CTNNA3: variants seen among roughly 807,000 people sequenced by gnomAD.
CTNNA3 encodes the protein catenin alpha 3.
A neutral mutation model predicts 95.7 loss-of-function variants in CTNNA3; 76 were observed. The observed-to-expected ratio is 0.79, with a 90% confidence interval of 0.66 to 0.96. The LOEUF is 0.96. Among genes scored for constraint, CTNNA3 ranks in the 40% least tolerant of loss-of-function variants. CTNNA3 has a pLI of 0.00. For missense variants in CTNNA3, 1,191 were observed against 1,089.8 expected (o/e 1.09, Z -1.31); for synonymous variants, 431 against 374.4 (o/e 1.15, Z -1.74).
chr10:67,484,422 C>T (rs1848368631), intron 5 of CTNNA3, among the ~76,000 whole-genome samples: 2 of 152,054 alleles, frequency 1.3e-5, no homozygotes, highest in Admixed American at 6.6e-5. Flanking sequence ...ATCACTAAAT[C>T]CTCAAAACCA....
intron 12 of CTNNA3, among the ~76,000 whole-genome samples, chr10:66,342,433 T>G (rs1020579217): frequency 1.3e-5 from 2 of 152,058 alleles, no homozygotes; most frequent in African/African-American, 2.4e-5. Flanking sequence ...ATATTTAAAC[T>G]TATGAAATTT....
At chr10:66,263,468 A>C (rs1348290716) in intron 13 of CTNNA3, among the ~76,000 whole-genome samples, 1 of 152,052 alleles carries the variant, frequency 6.6e-6, no homozygotes, top group Non-Finnish European at 1.5e-5. Context: ...TATAAAGTAT[A>C]AAGAGACCAC....
chr10:66,222,423 C>G (rs2088981937), intron 13 of CTNNA3, among the ~76,000 whole-genome samples: 1 of 151,960 alleles, frequency 6.6e-6, no homozygotes, highest in South Asian at 2.1e-4. Context: ...TAATTTTGAC[C>G]ATAGACCCAA....
intron 10 of CTNNA3, among the ~76,000 whole-genome samples, chr10:66,616,217 C>CA (rs1844507620): frequency 6.6e-6 from 1 of 152,024 alleles, no homozygotes; most frequent in Non-Finnish European, 1.5e-5. Flanking sequence ...TTGTGCCCCC[C>CA]ACAAAATACC....
intron 9 of CTNNA3, among the ~76,000 whole-genome samples, chr10:66,749,031 T>C (rs1204856850): frequency 6.7e-6 from 1 of 149,570 alleles, no homozygotes; most frequent in Non-Finnish European, 1.5e-5. Context: ...AATACAAAAT[T>C]AGCCAGCCAT....
intron 7 of CTNNA3, among the ~76,000 whole-genome samples, chr10:67,013,276 C>G (rs1003733929): frequency 1.9e-4 from 29 of 151,562 alleles, no homozygotes; most frequent in African/African-American, 6.8e-4. Flanking sequence ...AAATTCTCTA[C>G]CATTCAAAAT....
At chr10:67,458,986 G>A (rs1847276427) in intron 5 of CTNNA3, among the ~76,000 whole-genome samples, 1 of 152,110 alleles carries the variant, frequency 6.6e-6, no homozygotes, top group Non-Finnish European at 1.5e-5. Context: ...CTAAAAGAAG[G>A]AAAGTACACA....
chr10:67,163,580 T>C (rs1191684965), intron 7 of CTNNA3, among the ~76,000 whole-genome samples: 2 of 151,992 alleles, frequency 1.3e-5, no homozygotes, highest in African/African-American at 4.8e-5. Flanking sequence ...GGATATCAGC[T>C]CTCACCACAC....
chr10:66,538,288 A>G (rs2631214), intron 10 of CTNNA3, among the ~76,000 whole-genome samples: 99,272 of 152,004 alleles, frequency 0.65, 35,132 homozygotes, highest in Non-Finnish European at 0.8. Context: ...AATCAACAGA[A>G]GCCTCTATTC....
At chr10:67,152,543 G>C (rs1309837506) in intron 7 of CTNNA3, among the ~76,000 whole-genome samples, 1 of 152,092 alleles carries the variant, frequency 6.6e-6, no homozygotes, top group African/African-American at 2.4e-5. Flanking sequence ...AAATGACAAA[G>C]AATTCTAAAG....
chr10:66,017,075 A>G (rs1052733147), intron 15 of CTNNA3, among the ~76,000 whole-genome samples: 2 of 152,138 alleles, frequency 1.3e-5, no homozygotes, highest in Non-Finnish European at 2.9e-5. Context: ...AACTACATAA[A>G]TGCCTGGACT....
intron 5 of CTNNA3, among the ~76,000 whole-genome samples, chr10:67,365,923 G>A (rs7090002): frequency 1 from 152,303 of 152,366 alleles, 76,120 homozygotes; most frequent in Middle Eastern, 1. Context: ...AGATGCATGC[G>A]CACGTATGTT....
chr10:67,411,352 C>T (rs530432464), intron 5 of CTNNA3, among the ~76,000 whole-genome samples: 46 of 151,956 alleles, frequency 3.0e-4, no homozygotes, highest in Admixed American at 1.9e-3. Context: ...TTTTAAAGGC[C>T]GAATTTACTC....
chr10:66,565,959 G>A (rs900868229), intron 10 of CTNNA3, among the ~76,000 whole-genome samples: 10 of 152,162 alleles, frequency 6.6e-5, no homozygotes, highest in Non-Finnish European at 1.5e-4. Flanking sequence ...AGGAAATGAG[G>A]TAAATAAATG....
rs368605467 is a variant in CTNNA3, at chr10:66,490,128, C to T, written c.1531+30489G>A. On this transcript the variant is annotated intron_variant, in intron 11 of 17. Coordinates refer to ENST00000433211, the MANE Select transcript of CTNNA3 (RefSeq NM_013266.4). Reference sequence around the variant, plus strand: ...TCAAATTCTAGACTAACTTTGGTGCCTCATTTTGTGGGGTCTCTTTTCTGA... The same window carrying T: ...TCAAATTCTAGACTAACTTTGGTGCTTCATTTTGTGGGGTCTCTTTTCTGA... Among the ~76,000 whole-genome samples the T allele has an allele frequency of 3.9e-4, 59 of 152,170 alleles. 1 individual carries two copies. The South Asian group carries it at 0.012, about 31-fold the overall frequency.
At chr10:66,462,530 C>A (rs551802820) in intron 11 of CTNNA3, among the ~76,000 whole-genome samples, 1 of 152,034 alleles carries the variant, frequency 6.6e-6, no homozygotes, top group Admixed American at 6.6e-5. Context: ...TAATATCATT[C>A]TTTCCTCTCT....
intron 3 of CTNNA3, among the ~76,000 whole-genome samples, chr10:67,547,938 A>G (rs1055610440): frequency 3.3e-5 from 5 of 152,238 alleles, no homozygotes; most frequent in African/African-American, 1.2e-4. Flanking sequence ...TAATATTGTT[A>G]AGATAGCAAT....
chr10:67,419,169 C>T (rs1845650949), intron 5 of CTNNA3, among the ~76,000 whole-genome samples: 1 of 152,100 alleles, frequency 6.6e-6, no homozygotes, highest in African/African-American at 2.4e-5. Context: ...ACAAGATCCT[C>T]AGGTGGTTCA....
intron 9 of CTNNA3, among the ~76,000 whole-genome samples, chr10:66,763,341 C>CACACACACAGAGAGAGAGAGAG (rs371974709): frequency 1.4e-5 from 2 of 139,212 alleles, no homozygotes; most frequent in Non-Finnish European, 3.1e-5. Flanking sequence ...CACACACACA[C>CACACACACAGAGAGAGAGAGAG]AGAGAGAGAG....
Sources: allele counts gnomAD v4.1 joint callset (sites outside exome capture counted in the v4.1 genomes callset), GRCh38; gene constraint gnomAD v4.1.1; transcripts MANE v1.5; gene names NCBI Gene and HGNC (gene_info 2026-07-23, HGNC 2026-07-21).